Variants in VAC14 observed in about 807,000 individuals in gnomAD.
VAC14 encodes the protein VAC14 component of PIKFYVE complex.
In VAC14, 47 loss-of-function variants were observed where a neutral mutation model predicts 85.3. That is an observed-to-expected ratio of 0.55 (90% CI 0.44 to 0.70). The LOEUF (loss-of-function observed/expected upper bound fraction) is 0.70. Among genes scored for constraint, VAC14 ranks in the 30% least tolerant of loss-of-function variants. The pLI is 0.00. For synonymous variants in VAC14, 447 were observed against 430.5 expected, an observed-to-expected ratio of 1.04 and a Z score of -0.47; for missense variants, 861 against 1,004.3, an observed-to-expected ratio of 0.86 and a Z score of 1.93.
intron 13 of VAC14, among the ~76,000 whole-genome samples, chr16:70,743,800 A>C (rs1438682884): frequency 6.6e-6 from 1 of 152,226 alleles, no homozygotes; most frequent in Non-Finnish European, 1.5e-5. Context: ...TGGGAACTTT[A>C]CTACCAAACG....
In VAC14 at chr16:70,695,576, A is replaced by G; in HGVS notation, c.2003T>C (p.Leu668Pro). ...GATGGGGCACTCAATCAGCTGCACC[A>G]GCTTGTCCACCTCTGCGAGGAAGTC... ...TVDFLAEVDK[L>P]VQLIECPIFT... The change falls in exon 17 of 19, where the codon CTG becomes CCG. Residue 668 changes from leucine to proline, a missense_variant. Coordinates refer to ENST00000261776, the MANE Select transcript of VAC14 (RefSeq NM_018052.5). 1 of 1,614,006 alleles carries G rather than the reference A, an allele frequency of 6.2e-7. No homozygotes were observed. The highest frequency in any genetic ancestry group is 8.5e-7 in the Non-Finnish European group (1 of 1,179,994).
At chr16:70,791,584 C>T (rs893164803) in intron 1 of VAC14, among the ~76,000 whole-genome samples, 4 of 152,186 alleles carry the variant, frequency 2.6e-5, no homozygotes, top group Non-Finnish European at 5.9e-5. Context: ...CGGGGTTTCA[C>T]CATGTTGGCC....
chr16:70,733,037 G>T (rs1240723700), intron 13 of VAC14, among the ~76,000 whole-genome samples: 2 of 152,202 alleles, frequency 1.3e-5, no homozygotes, highest in African/African-American at 4.8e-5. Context: ...GTGCAATTCA[G>T]TAGTTTTCAG....
chr16:70,753,009 GGGGT>G (rs757389774), intron 12 of VAC14, among the ~76,000 whole-genome samples: 40 of 136,766 alleles, frequency 2.9e-4, no homozygotes, highest in East Asian at 1.0e-3. Flanking sequence ...GCAGGAGGAG[GGGGT>G]GTGTGTGTGT....
intron 18 of VAC14, chr16:70,688,306 T>G: frequency 8.3e-7 from 1 of 1,208,250 alleles, no homozygotes; most frequent in Non-Finnish European, 1.0e-6. Flanking sequence ...CAGCTAACAC[T>G]GCTGCTTGGC....
intron 1 of VAC14, among the ~76,000 whole-genome samples, chr16:70,793,381 A>G (rs556915184): frequency 1.2e-4 from 18 of 152,276 alleles, no homozygotes; most frequent in African/African-American, 4.1e-4. Context: ...GTACCATTAC[A>G]CCCATTTTAC....
At chr16:70,794,714 C>G (rs759053228) in intron 1 of VAC14, among the ~76,000 whole-genome samples, 40 of 152,228 alleles carry the variant, frequency 2.6e-4, no homozygotes, top group Non-Finnish European at 2.2e-4. Context: ...CCAAACCAAA[C>G]AGGTCTGCGT....
intron 17 of VAC14, among the ~76,000 whole-genome samples, chr16:70,695,023 C>T (rs1367683824): frequency 6.6e-6 from 1 of 152,092 alleles, no homozygotes; most frequent in East Asian, 1.9e-4. Context: ...AGGAGACTCA[C>T]TGTGAGGGAT....
chr16:70,757,133 C>T (rs2031933112), intron 12 of VAC14, among the ~76,000 whole-genome samples: 1 of 152,132 alleles, frequency 6.6e-6, no homozygotes, highest in Admixed American at 6.5e-5. Flanking sequence ...TAAGGACGCC[C>T]CGGCTCTGAG....
At chr16:70,767,625 T>C (rs1481042996) in intron 10 of VAC14, among the ~76,000 whole-genome samples, 1 of 152,180 alleles carries the variant, frequency 6.6e-6, no homozygotes, top group East Asian at 1.9e-4. Flanking sequence ...ACTGCAAAAG[T>C]GGAACTCTCC....
At chr16:70,771,928 G>T in intron 10 of VAC14, 181 bp downstream of exon 10, 1 of 601,178 alleles carries the variant, frequency 1.7e-6, no homozygotes, top group Admixed American at 2.8e-5. Context: ...CCTGGGTGGG[G>T]TGGGCTTGCT....
chr16:70,730,239 AG>A (rs1410850176), intron 14 of VAC14, among the ~76,000 whole-genome samples: 1 of 151,684 alleles, frequency 6.6e-6, no homozygotes, highest in African/African-American at 2.4e-5. Flanking sequence ...GCTCCACCTC[AG>A]CCCCTCCAAC....
intron 1 of VAC14, among the ~76,000 whole-genome samples, chr16:70,794,457 CTG>C (rs2034461124): frequency 6.6e-6 from 1 of 150,884 alleles, no homozygotes. Context: ...AATAAGAAAA[CTG>C]AGGCACAAAG....
chr16:70,711,991 G>A (rs1597869407), intron 14 of VAC14, among the ~76,000 whole-genome samples: 1 of 152,304 alleles, frequency 6.6e-6, no homozygotes, highest in Non-Finnish European at 1.5e-5. Context: ...CAGCCGTAGT[G>A]GTGGGCCACA....
chr16:70,766,796 C>T lies in VAC14; in HGVS notation c.1161-3771G>A, dbSNP rs1404013504. On this transcript the variant is annotated intron_variant, in intron 10 of 18. Coordinates refer to ENST00000261776, the MANE Select transcript of VAC14 (RefSeq NM_018052.5). ...GGAGGGTCAAGATCCCAGCTGCTGT[C>T]GGCTCCCAGCTGCTCTGCTGGGCAG... Among the ~76,000 whole-genome samples the T allele has an allele frequency of 3.3e-5, 5 of 152,162 alleles. No individual in the cohort carries two copies. In the South Asian group the frequency reaches 6.2e-4, roughly 19 times the overall value.
chr16:70,770,891 T>C (rs1282848232), intron 10 of VAC14: 5 of 152,196 alleles, frequency 3.3e-5, no homozygotes, highest in South Asian at 2.1e-4. Flanking sequence ...TTGGAAAACA[T>C]GCTCAGGGTG....
intron 1 of VAC14, among the ~76,000 whole-genome samples, chr16:70,795,494 TAAAAAA>T (rs71153603): frequency 1.1e-5 from 1 of 91,930 alleles, no homozygotes; most frequent in Admixed American, 1.2e-4. Context: ...AGACTCTGTC[TAAAAAA>T]AAAAAAAAAA....
At chr16:70,708,774 G>A (rs573083967) in intron 14 of VAC14, among the ~76,000 whole-genome samples, 1 of 152,338 alleles carries the variant, frequency 6.6e-6, no homozygotes, top group African/African-American at 2.4e-5. Context: ...GCAGTGTGAG[G>A]AGGGCAAGGC....
rs573595971 is a variant in VAC14 at position 70,723,812 on chromosome 16, C to T, written c.1661+7683G>A. On this transcript the variant is annotated intron_variant, in intron 14 of 18. Transcript: ENST00000261776. ...AAGACTGGCAAGGGGCCAGCGTGAA[C>T]CTGATGAGGGGTCTGACCACGTGTG... Among the ~76,000 whole-genome samples, 34 of 152,322 alleles carry T rather than the reference C, an allele frequency of 2.2e-4. 2 individuals carry two copies. The South Asian group carries it at 6.8e-3, about 31-fold the overall frequency.
Sources: gnomAD v4.1 joint callset for allele counts (sites outside exome capture counted in the v4.1 genomes callset) on GRCh38, gnomAD v4.1.1 for gene constraint, MANE v1.5 for transcripts, NCBI Gene and HGNC (gene_info 2026-07-23, HGNC 2026-07-21) for gene names.